The following TRIM5 variants were observed in gnomAD, a reference collection of about 807,000 sequenced individuals.
The protein encoded by TRIM5 is tripartite motif-containing protein 5.
In TRIM5, 31 loss-of-function variants were observed where a neutral mutation model predicts 35.6. That is an observed-to-expected ratio of 0.87 (90% CI 0.65 to 1.18). The LOEUF is 1.18. Ranked by LOEUF, TRIM5 falls within the 50% of genes most tolerant of loss-of-function variation. The pLI is 0.00. For synonymous variants in TRIM5, 243 were observed against 215.6 expected (o/e 1.13, Z -1.11); for missense variants, 609 against 591.6 (o/e 1.03, Z -0.31).
intron 5 of TRIM5, 30 bp downstream of exon 5, chr11:5,667,659 A>C: frequency 6.2e-7 from 1 of 1,612,214 alleles, no homozygotes; most frequent in Middle Eastern, 1.7e-4. Context: ...TCACTGCACA[A>C]AAGGACCATC....
the TRIM5 span, among the ~76,000 whole-genome samples, chr11:5,602,744 A>G: frequency 3.3e-5 from 5 of 151,704 alleles, no homozygotes; most frequent in Admixed American, 6.6e-5. Context: ...ACTTAAGGTC[A>G]GGAGTTCAAG....
chr11:5,603,247 A>G, the TRIM5 span: 1 of 1,612,958 alleles, frequency 6.2e-7, no homozygotes. Context: ...TCTACCTAGG[A>G]TTCTACAGGC....
intron 1 of TRIM5, among the ~76,000 whole-genome samples, chr11:5,682,048 C>T (rs1000812103): frequency 9.9e-5 from 15 of 152,090 alleles, no homozygotes; most frequent in African/African-American, 3.6e-4. Context: ...CCACCTGCCT[C>T]GGCCTCCTAA....
the TRIM5 span, among the ~76,000 whole-genome samples, chr11:5,617,279 T>C: frequency 6.9e-6 from 1 of 144,420 alleles, no homozygotes; most frequent in Non-Finnish European, 1.5e-5. Context: ...TAAGGCATTA[T>C]TGCCTATCTC....
At chr11:5,648,981 TAAACCAGTATAGGTGTTTGCTTCTCA>T in the TRIM5 span, among the ~76,000 whole-genome samples, 15 of 152,252 alleles carry the variant, frequency 9.9e-5, no homozygotes, top group Admixed American at 9.8e-4. Flanking sequence ...ACAAGTGTAC[TAAACCAGTATAGGTGTTTGCTTCTCA>T]AGCCCCTCTC....
At chr11:5,626,844 T>G in the TRIM5 span, 2 of 149,920 alleles carry the variant, frequency 1.3e-5, no homozygotes, top group Non-Finnish European at 3.0e-5. Flanking sequence ...ATCTCGCCAT[T>G]GTACTCCAGC....
chr11:5,634,524 CACACACAT>C, the TRIM5 span: 648 of 675,934 alleles, frequency 9.6e-4, 2 homozygotes, highest in South Asian at 0.012. Context: ...CACACACACA[CACACACAT>C]ATATATATAT....
chr11:5,650,309 T>A, the TRIM5 span, among the ~76,000 whole-genome samples: 1 of 152,214 alleles, frequency 6.6e-6, no homozygotes, highest in Non-Finnish European at 1.5e-5. Flanking sequence ...ATAACATACG[T>A]CTGGCTATTT....
the TRIM5 span, among the ~76,000 whole-genome samples, chr11:5,654,607 C>T: frequency 6.6e-6 from 1 of 152,120 alleles, no homozygotes; most frequent in Non-Finnish European, 1.5e-5. Flanking sequence ...TACATGGGAG[C>T]TGGTGGTGGC....
the TRIM5 span, among the ~76,000 whole-genome samples, chr11:5,599,984 T>C: frequency 1.3e-5 from 2 of 152,110 alleles, no homozygotes; most frequent in Admixed American, 6.5e-5. Context: ...GTGGGTATGG[T>C]AGGAGATATT....
At chr11:5,646,984 T>C in the TRIM5 span, among the ~76,000 whole-genome samples, 2 of 152,210 alleles carry the variant, frequency 1.3e-5, no homozygotes, top group African/African-American at 4.8e-5. Flanking sequence ...AACGATTTAA[T>C]GTGTGGAAAC....
At chr11:5,606,835 A>G in the TRIM5 span, among the ~76,000 whole-genome samples, 1 of 152,170 alleles carries the variant, frequency 6.6e-6, no homozygotes, top group East Asian at 1.9e-4. Flanking sequence ...CTAAAAATAA[A>G]CTTTCTGGAA....
chr11:5,632,319 G>A, the TRIM5 span: 1 of 1,614,012 alleles, frequency 6.2e-7, no homozygotes, highest in Admixed American at 1.7e-5. Context: ...GAAGAAGCCA[G>A]GGAAGCAGTG....
the TRIM5 span, chr11:5,604,606 A>G: frequency 6.2e-7 from 1 of 1,612,710 alleles, no homozygotes; most frequent in Middle Eastern, 1.7e-4. Context: ...AGCTTTTATC[A>G]GAGAGAAGAA....
chr11:5,646,634 C>G, the TRIM5 span, among the ~76,000 whole-genome samples: 3 of 152,132 alleles, frequency 2.0e-5, no homozygotes, highest in African/African-American at 7.2e-5. Flanking sequence ...AATTCTCACC[C>G]CTAGGAATGA....
At chr11:5,614,202 A>G in the TRIM5 span, among the ~76,000 whole-genome samples, 1 of 152,222 alleles carries the variant, frequency 6.6e-6, no homozygotes, top group Non-Finnish European at 1.5e-5. Context: ...AAAGAAATGT[A>G]CTTCTTGTTA....
At chr11:5,610,868 T>C in the TRIM5 span, 2 of 1,614,220 alleles carry the variant, frequency 1.2e-6, no homozygotes. Flanking sequence ...CTAAAGTATC[T>C]GGACCTTCCT....
chr11:5,653,477 AT>A, the TRIM5 span, among the ~76,000 whole-genome samples: 1 of 148,458 alleles, frequency 6.7e-6, no homozygotes. Context: ...GTTTTTTCCG[AT>A]TTTTTTTTGT....
chr11:5,596,765 T>G, the TRIM5 span: 79 of 1,359,816 alleles, frequency 5.8e-5, no homozygotes, highest in East Asian at 1.2e-4. Flanking sequence ...TCGTGCGTGG[T>G]TGAGTTTAGA....
Sources: gnomAD v4.1 joint callset for allele counts (sites outside exome capture counted in the v4.1 genomes callset) on GRCh38, gnomAD v4.1.1 for gene constraint, MANE v1.5 for transcripts, NCBI Gene and HGNC (gene_info 2026-07-23, HGNC 2026-07-21) for gene names.